Variants in ARID5B observed in about 807,000 individuals in gnomAD.
The protein encoded by ARID5B is AT-rich interaction domain 5B.
A neutral mutation model predicts 97.2 loss-of-function variants in ARID5B; 13 were observed. The ratio of observed to expected loss-of-function variants is 0.13; its 90% CI spans 0.09 to 0.21. The LOEUF (loss-of-function observed/expected upper bound fraction) is 0.21. Ranked by LOEUF, ARID5B falls within the 10% of genes least tolerant of loss-of-function variation. ARID5B has a pLI of 1.00. For synonymous variants in ARID5B, 556 were observed against 570.3 expected (o/e 0.97, Z 0.36); for missense variants, 1,210 against 1,465.3 (o/e 0.83, Z 2.84).
intron 2 of ARID5B, among the ~76,000 whole-genome samples, chr10:61,902,854 T>C (rs2132747930): frequency 6.6e-6 from 1 of 152,294 alleles, no homozygotes; most frequent in African/African-American, 2.4e-5. Context: ...TTGTTCTTTT[T>C]TCAAAGTAAG....
At chr10:61,901,945 G>A (rs572132206) in intron 1 of ARID5B, among the ~76,000 whole-genome samples, 1 of 151,360 alleles carries the variant, frequency 6.6e-6, no homozygotes, top group Admixed American at 6.6e-5. Context: ...ATGGGGAGGT[G>A]GGTAGAAGTG....
intron 4 of ARID5B, among the ~76,000 whole-genome samples, chr10:62,041,412 T>C (rs1333216160): frequency 6.6e-6 from 1 of 152,158 alleles, no homozygotes; most frequent in South Asian, 2.1e-4. Flanking sequence ...CAACCAAAAA[T>C]AGTCATCTTT....
chr10:62,079,171 C>T (rs1482896102), intron 8 of ARID5B, among the ~76,000 whole-genome samples: 2 of 152,128 alleles, frequency 1.3e-5, no homozygotes, highest in African/African-American at 2.4e-5. Flanking sequence ...GTATCTCCTC[C>T]GTGTTGGTAT....
rs61016394 is a variant in ARID5B, at chr10:61,988,936, C to CTTTT, written c.503-11141_503-11138dup. On this transcript the variant is annotated intron_variant, in intron 3 of 9. Coordinates refer to ENST00000279873, the MANE Select transcript of ARID5B (RefSeq NM_032199.3). The stretch of plus-strand genomic sequence containing the variant: ...ACTAGTAATCTTTTTTTTTCTTTTA[C>CTTTT]TTTTTTTTTTTTTTTTTGAGTCTTG... Among the ~76,000 whole-genome samples the CTTTT allele has an allele frequency of 3.8e-4, 46 of 122,244 alleles. 1 individual carries two copies. Among genetic ancestry groups the CTTTT allele is most frequent in the Non-Finnish European group, 5.7e-4 (35 of 61,858 alleles). The allele number at this position is 122,244 out of a possible 152,430, so 80.2% of individuals were successfully genotyped here.
At chr10:61,906,764 TG>T (rs1843714946) in intron 2 of ARID5B, among the ~76,000 whole-genome samples, 1 of 152,192 alleles carries the variant, frequency 6.6e-6, no homozygotes, top group Non-Finnish European at 1.5e-5. Flanking sequence ...TCTCTAGAGT[TG>T]GGTCCAGGAG....
intron 3 of ARID5B, among the ~76,000 whole-genome samples, chr10:61,955,053 T>C (rs546107846): frequency 6.6e-6 from 1 of 152,202 alleles, no homozygotes; most frequent in African/African-American, 2.4e-5. Context: ...TTGTGTGTGT[T>C]ATTTTCTCTT....
intron 4 of ARID5B, among the ~76,000 whole-genome samples, chr10:62,042,038 AC>A (rs1430340832): frequency 6.6e-6 from 1 of 152,212 alleles, no homozygotes; most frequent in Non-Finnish European, 1.5e-5. Context: ...TATCTGTACA[AC>A]CTTCAGAAAT....
rs1839069278 is a variant in ARID5B at position 62,000,859 on chromosome 10, A to AGATT, written c.733+541_733+542insTGAT. ...TAGATAGATAGATAGATAGATAGAT[A>AGATT]GATAGATAGATAGATGATAGGTGAT... On this transcript the variant is annotated intron_variant, in intron 4 of 9. Transcript: ENST00000279873. This position sits in a 1 kb window ranked among gnomAD's most constrained non-coding sequence, Gnocchi z 4.4. 3.3e-5 allele frequency among the ~76,000 whole-genome samples: 5 copies of AGATT among 152,192 alleles called. No individual in the cohort carries two copies. The highest frequency in any genetic ancestry group is 2.0e-4 in the Admixed American group (3 of 15,270).
At chr10:61,910,408 C>A (rs1054409618) in intron 2 of ARID5B, among the ~76,000 whole-genome samples, 6 of 152,210 alleles carry the variant, frequency 3.9e-5, no homozygotes, top group African/African-American at 1.4e-4. Flanking sequence ...TAGCTAGTGA[C>A]TACCCGTTGC....
intron 2 of ARID5B, among the ~76,000 whole-genome samples, chr10:61,916,617 A>T (rs1217379710): frequency 6.6e-6 from 1 of 152,130 alleles, no homozygotes; most frequent in East Asian, 1.9e-4. Flanking sequence ...GGGTTTCCAA[A>T]TTCACTCACC....
chr10:62,066,580 C>T (rs1839992362), intron 7 of ARID5B, among the ~76,000 whole-genome samples: 1 of 152,080 alleles, frequency 6.6e-6, no homozygotes, highest in Non-Finnish European at 1.5e-5. Flanking sequence ...TGACACAGAC[C>T]CCTGGCCTAC....
rs1341295904 is a variant in ARID5B at position 62,093,554 on chromosome 10, T to C, written c.*524T>C. Reference sequence around the variant, plus strand: ...ATCCAGAGAAGTAAACACTGTTAAATTGACTGTATATATTTGCTTCTTAAA... The same window carrying C: ...ATCCAGAGAAGTAAACACTGTTAAACTGACTGTATATATTTGCTTCTTAAA... On this transcript the variant is annotated 3_prime_UTR_variant, in exon 10 of 10. Coordinates refer to ENST00000279873, the MANE Select transcript of ARID5B (RefSeq NM_032199.3). 3 of 233,856 alleles carry C rather than the reference T, an allele frequency of 1.3e-5. No individual in the cohort carries two copies. The allele number at this position is 233,856 out of a possible 1,614,324, so 14.5% of individuals were successfully genotyped here. A position where few individuals can be genotyped will look rare whatever the true frequency, so the allele number is the denominator to read the frequency against.
chr10:61,923,274 C>G (rs186041178), intron 2 of ARID5B, among the ~76,000 whole-genome samples: 1 of 152,252 alleles, frequency 6.6e-6, no homozygotes, highest in African/African-American at 2.4e-5. Flanking sequence ...TGGCTGCTTC[C>G]TTTTCTTTCT....
At chr10:61,964,729 T>C (rs1300076947) in intron 3 of ARID5B, among the ~76,000 whole-genome samples, 1 of 152,148 alleles carries the variant, frequency 6.6e-6, no homozygotes, top group African/African-American at 2.4e-5. Flanking sequence ...TGCTTTGGGG[T>C]AGTTTTTTGG....
chr10:61,982,740 A>G (rs1000878699), intron 3 of ARID5B, among the ~76,000 whole-genome samples: 1 of 152,162 alleles, frequency 6.6e-6, no homozygotes, highest in Admixed American at 6.5e-5. Flanking sequence ...GAAAGGTGGG[A>G]GGGTATTTGG....
At chr10:62,060,138 G>T (rs998560903) in intron 7 of ARID5B, among the ~76,000 whole-genome samples, 40 of 152,144 alleles carry the variant, frequency 2.6e-4, no homozygotes, top group African/African-American at 9.4e-4. Flanking sequence ...AGTAATCTGG[G>T]ATATCTCTGT....
intron 4 of ARID5B, among the ~76,000 whole-genome samples, chr10:62,026,325 T>A (rs966823993): frequency 2.0e-5 from 3 of 152,198 alleles, no homozygotes; most frequent in Non-Finnish European, 4.4e-5. Context: ...GGGCAATGAG[T>A]GTGCTCATTT....
intron 4 of ARID5B, among the ~76,000 whole-genome samples, chr10:62,045,959 G>A (rs1245362574): frequency 6.6e-6 from 1 of 152,152 alleles, no homozygotes; most frequent in Non-Finnish European, 1.5e-5. Context: ...CATTGACCTC[G>A]GGGGTCAAAC....
chr10:61,993,510 G>T (rs545742468), intron 3 of ARID5B, among the ~76,000 whole-genome samples: 3 of 152,194 alleles, frequency 2.0e-5, no homozygotes, highest in African/African-American at 7.2e-5. Flanking sequence ...ATTACCTTCC[G>T]AGAAATTATA....
Sources: allele counts gnomAD v4.1 joint callset (sites outside exome capture counted in the v4.1 genomes callset), GRCh38; gene constraint gnomAD v4.1.1; non-coding constraint Gnocchi (gnomAD v3.1); transcripts MANE v1.5; gene names NCBI Gene and HGNC (gene_info 2026-07-23, HGNC 2026-07-21).